The following LRMDA variants were observed in gnomAD, a reference collection of about 807,000 sequenced individuals.
LRMDA encodes leucine rich melanocyte differentiation associated.
LRMDA carries 18 observed loss-of-function variants against 29.8 expected under a neutral mutation model. The observed-to-expected ratio is 0.60, with a 90% confidence interval of 0.42 to 0.90. The LOEUF is 0.90. Ranked by LOEUF, LRMDA falls within the 40% of genes least tolerant of loss-of-function variation. The pLI, the probability that LRMDA is intolerant of heterozygous loss-of-function variation, is 0.00. For synonymous variants in LRMDA, 125 were observed against 109.4 expected, an observed-to-expected ratio of 1.14 and a Z score of -0.89; for missense variants, 273 against 273.9, an observed-to-expected ratio of 1.00 and a Z score of 0.02.
intron 2 of LRMDA, among the ~76,000 whole-genome samples, chr10:75,762,789 A>C (rs150375765): frequency 6.6e-6 from 1 of 152,174 alleles, no homozygotes; most frequent in Admixed American, 6.5e-5. Context: ...AGTTATTATT[A>C]TTTTATTGTT....
intron 5 of LRMDA, among the ~76,000 whole-genome samples, chr10:76,304,001 G>GGCCCT (rs1589419241): frequency 6.6e-6 from 1 of 152,078 alleles, no homozygotes; most frequent in East Asian, 1.9e-4. Flanking sequence ...CAGCCCTGAA[G>GGCCCT]GCCCTTTCAC....
rs556614582 is a variant in LRMDA, at chr10:75,850,146, C to A, written c.132-185862C>A. 7.0e-4 allele frequency among the ~76,000 whole-genome samples: 107 copies of A among 152,206 alleles called. No individual in the cohort carries two copies. In the Middle Eastern group the frequency reaches 0.01, roughly 15 times the overall value. ...AATAAGACTGTATTTATTATATGAG[C>A]ACCTTGATGGTCTGGCATCAGGCCA... On this transcript the variant is annotated intron_variant, in intron 2 of 6. Coordinates refer to ENST00000611255, the MANE Select transcript of LRMDA (RefSeq NM_001305581.2).
intron 2 of LRMDA, among the ~76,000 whole-genome samples, chr10:75,895,355 A>G (rs1375209624): frequency 6.6e-6 from 1 of 152,200 alleles, no homozygotes; most frequent in Non-Finnish European, 1.5e-5. Context: ...TTGAGCCCTC[A>G]CTATATGCCA....
At chr10:76,171,548 A>C (rs1850837749) in intron 5 of LRMDA, among the ~76,000 whole-genome samples, 1 of 152,188 alleles carries the variant, frequency 6.6e-6, no homozygotes, top group South Asian at 2.1e-4. Context: ...TAGCATGGCA[A>C]GCCCCTCCAC....
At chr10:76,224,701 A>G (rs1194450787) in intron 5 of LRMDA, among the ~76,000 whole-genome samples, 3 of 148,806 alleles carry the variant, frequency 2.0e-5, no homozygotes, top group African/African-American at 7.5e-5. Flanking sequence ...ACCGGACAAA[A>G]ATCTACAATT....
chr10:75,631,412 G>A (rs1202512373), intron 2 of LRMDA, among the ~76,000 whole-genome samples: 7 of 143,676 alleles, frequency 4.9e-5, no homozygotes, highest in African/African-American at 2.0e-4. Context: ...CACCCCCCCC[G>A]CCCCGCCACC....
intron 2 of LRMDA, among the ~76,000 whole-genome samples, chr10:75,866,493 G>A (rs1038326588): frequency 6.6e-6 from 1 of 152,212 alleles, no homozygotes; most frequent in Non-Finnish European, 1.5e-5. Context: ...TTGCTTGTTG[G>A]TTTTGCTGCT....
At chr10:76,261,675 A>G (rs188396234) in intron 5 of LRMDA, among the ~76,000 whole-genome samples, 1 of 152,202 alleles carries the variant, frequency 6.6e-6, no homozygotes, top group African/African-American at 2.4e-5. Context: ...AGCAACACAC[A>G]TGCCTTCAAT....
chr10:76,326,919 A>C (rs1840840565), intron 6 of LRMDA, among the ~76,000 whole-genome samples: 1 of 151,914 alleles, frequency 6.6e-6, no homozygotes, highest in African/African-American at 2.4e-5. Flanking sequence ...TGAAACTTTT[A>C]CTGATCTGAG....
In LRMDA at chr10:76,514,320, G is replaced by A. The variant is rs73292579; in HGVS notation, c.602-42889G>A. 6.0e-3 allele frequency among the ~76,000 whole-genome samples: 912 copies of A among 152,254 alleles called. 8 individuals are homozygous for A. Among genetic ancestry groups the A allele is most frequent in the African/African-American group, 0.019 (792 of 41,544 alleles). ...AAAAGCAAAGGACAAAAGCTCCCCAGGTGATAGTGGCCATCACCTAGATCA... is the reference window on the plus strand; with the variant it reads ...AAAAGCAAAGGACAAAAGCTCCCCAAGTGATAGTGGCCATCACCTAGATCA... On this transcript the variant is annotated intron_variant, in intron 6 of 6. Coordinates refer to ENST00000611255, the MANE Select transcript of LRMDA (RefSeq NM_001305581.2).
intron 2 of LRMDA, among the ~76,000 whole-genome samples, chr10:75,861,082 A>G (rs79954877): frequency 0.012 from 1,788 of 152,348 alleles, 45 homozygotes; most frequent in African/African-American, 0.041. Context: ...TTTTGGTCCA[A>G]TGACGATAAT....
At chr10:75,933,414 A>G (rs1284729917) in intron 2 of LRMDA, among the ~76,000 whole-genome samples, 1 of 152,226 alleles carries the variant, frequency 6.6e-6, no homozygotes, top group Non-Finnish European at 1.5e-5. Flanking sequence ...GTGAGAATAC[A>G]TTTCAGATAC....
intron 2 of LRMDA, among the ~76,000 whole-genome samples, chr10:75,596,108 A>T (rs1298217495): frequency 6.6e-6 from 1 of 152,218 alleles, no homozygotes; most frequent in African/African-American, 2.4e-5. Flanking sequence ...AAATGAAGAT[A>T]CTGTTTACTG....
At chr10:75,518,869 T>C (rs1374810007) in intron 2 of LRMDA, among the ~76,000 whole-genome samples, 2 of 152,246 alleles carry the variant, frequency 1.3e-5, no homozygotes, top group East Asian at 3.8e-4. Context: ...ACACACTGCT[T>C]TAAATGTGTC....
chr10:75,790,457 T>C (rs1157278862), intron 2 of LRMDA, among the ~76,000 whole-genome samples: 2 of 152,180 alleles, frequency 1.3e-5, no homozygotes, highest in African/African-American at 2.4e-5. Flanking sequence ...GAAAGAGAGG[T>C]GGGATTCCAA....
At chr10:75,819,441 C>T (rs1489620960) in intron 2 of LRMDA, among the ~76,000 whole-genome samples, 1 of 152,144 alleles carries the variant, frequency 6.6e-6, no homozygotes, top group Non-Finnish European at 1.5e-5. Context: ...AAACAAAATT[C>T]AAGCAATGAA....
At chr10:75,559,250 T>A (rs1361620694) in intron 2 of LRMDA, among the ~76,000 whole-genome samples, 2 of 151,868 alleles carry the variant, frequency 1.3e-5, no homozygotes, top group African/African-American at 4.8e-5. Flanking sequence ...GGTATCTCAT[T>A]GTGGTTTTGA....
intron 2 of LRMDA, among the ~76,000 whole-genome samples, chr10:75,639,798 A>C (rs1266932389): frequency 6.6e-6 from 1 of 152,184 alleles, no homozygotes; most frequent in Non-Finnish European, 1.5e-5. Flanking sequence ...CAGTAGGTCC[A>C]TCTTGGTGGC....
intron 5 of LRMDA, among the ~76,000 whole-genome samples, chr10:76,140,416 C>T (rs1850177313): frequency 1.3e-5 from 2 of 152,204 alleles, no homozygotes; most frequent in South Asian, 4.2e-4. Flanking sequence ...TATATGTCTC[C>T]CTCCACTCCC....
Sources: allele counts gnomAD v4.1 joint callset (sites outside exome capture counted in the v4.1 genomes callset), GRCh38; gene constraint gnomAD v4.1.1; transcripts MANE v1.5; gene names NCBI Gene and HGNC (gene_info 2026-07-23, HGNC 2026-07-21).